The following TNRC6B variants were observed in gnomAD, a reference collection of about 807,000 sequenced individuals.
TNRC6B encodes the protein trinucleotide repeat containing adaptor 6B.
A neutral mutation model predicts 203.6 loss-of-function variants in TNRC6B; 52 were observed. The observed-to-expected ratio is 0.26, with a 90% CI of 0.20 to 0.32. The LOEUF (loss-of-function observed/expected upper bound fraction) is 0.32. TNRC6B is among the 10% of genes least tolerant of loss of function. The probability of loss-of-function intolerance (pLI) is 1.00; values close to 1 mark genes in which losing one functional copy is unlikely to be tolerated. For synonymous variants in TNRC6B, 838 were observed against 845.7 expected, an observed-to-expected ratio of 0.99 and a Z score of 0.16; for missense variants, 1,923 against 2,286.2, an observed-to-expected ratio of 0.84 and a Z score of 3.24.
intron 15 of TNRC6B, among the ~76,000 whole-genome samples, chr22:40,305,935 A>G (rs969326961): frequency 2.0e-5 from 3 of 150,166 alleles, no homozygotes; most frequent in African/African-American, 4.9e-5. Flanking sequence ...CCCTTTTGCT[A>G]TAACTTTAAT....
chr22:40,258,589 T>A (rs577655795), intron 3 of TNRC6B, among the ~76,000 whole-genome samples: 17 of 152,132 alleles, frequency 1.1e-4, no homozygotes, highest in African/African-American at 4.1e-4. Context: ...TTCCTGGAGG[T>A]TTTGTTTTTT....
chr22:40,289,015 T>C (rs555509847), intron 12 of TNRC6B, among the ~76,000 whole-genome samples: 62 of 151,722 alleles, frequency 4.1e-4, no homozygotes, highest in Admixed American at 2.3e-3. Context: ...GGTTTCACCA[T>C]GTTGGCCAAG....
rs1369387773 is a variant in TNRC6B at position 40,330,974 on chromosome 22, C to T, written c.*7733C>T. On this transcript the variant is annotated 3_prime_UTR_variant, in exon 23 of 23. Coordinates refer to ENST00000454349, the MANE Select transcript of TNRC6B (RefSeq NM_001162501.2). Reference sequence around the variant, plus strand: ...ACGTTAGTCCAAGAGCGCAGGTTTACACATCTGCATTCCCTAGTTTTCTCC... The same window carrying T: ...ACGTTAGTCCAAGAGCGCAGGTTTATACATCTGCATTCCCTAGTTTTCTCC... The T allele has an allele frequency of 1.3e-5, 2 of 152,704 alleles. No homozygotes were observed. The highest frequency in any genetic ancestry group is 3.8e-4 in the East Asian group (2 of 5,206). 9.5% of individuals were successfully genotyped at this position (152,704 alleles called of 1,614,324 possible).
chr22:40,143,445 A>G (rs941942341), intron 3 of TNRC6B, among the ~76,000 whole-genome samples: 2 of 152,090 alleles, frequency 1.3e-5, no homozygotes, highest in Admixed American at 6.6e-5. Context: ...AAAAAAATCA[A>G]ATAAGAATAT....
intron 1 of TNRC6B, among the ~76,000 whole-genome samples, chr22:40,066,193 T>TC (rs1351175212): frequency 1.3e-5 from 2 of 152,148 alleles, no homozygotes. Flanking sequence ...GCTAGGCCAG[T>TC]CATAGGCCAC....
Position 40,269,224 on chromosome 22 carries a change from C to T in TNRC6B, c.2807-898C>T, listed in dbSNP as rs915592633. Among the ~76,000 whole-genome samples the T allele has an allele frequency of 7.3e-5, 11 of 149,904 alleles. No homozygotes were observed. The East Asian group carries it at 2.2e-3, about 30-fold the overall frequency. On this transcript the variant is annotated intron_variant, in intron 5 of 22. Transcript: ENST00000454349. The stretch of plus-strand genomic sequence containing the variant: ...TCTTGGCTCACTGCAACCTCCACCT[C>T]CCGGGTTCAAGTGAGCCTCCTTCTC...
In TNRC6B at chr22:40,301,011, T is replaced by G. The variant is rs2071015561; in HGVS notation, c.3936+6T>G. The G allele has an allele frequency of 1.9e-6, 3 of 1,610,758 alleles. No homozygotes were observed. Among genetic ancestry groups the G allele is most frequent in the Non-Finnish European group, 2.5e-6 (3 of 1,178,492 alleles). On this transcript the variant is annotated splice_donor_region_variant and intron_variant, in intron 14 of 22. Transcript: ENST00000454349. ...GCCAACAGCAAGAGCAGCAGGTACG[T>G]GGGTAGGCAGGGTCCCTCCAGTGCT...
At chr22:40,051,844 T>C (rs766261601) in intron 1 of TNRC6B, among the ~76,000 whole-genome samples, 8 of 152,216 alleles carry the variant, frequency 5.3e-5, no homozygotes, top group Non-Finnish European at 1.0e-4. Context: ...AATATTAACA[T>C]TTAAATAGGT....
chr22:40,298,841 C>T (rs1401122078), intron 12 of TNRC6B, among the ~76,000 whole-genome samples: 3 of 152,162 alleles, frequency 2.0e-5, no homozygotes, highest in Admixed American at 6.5e-5. Flanking sequence ...TGGCGGGCGC[C>T]TGTAGTCCCA....
intron 1 of TNRC6B, 60 bp from the exon 2 acceptor site, chr22:40,245,952 TTGC>T: frequency 7.5e-7 from 1 of 1,333,248 alleles, no homozygotes; most frequent in Admixed American, 2.5e-5. Context: ...AGCATTCAAT[TTGC>T]TGCGGAAATG....
At chr22:40,132,350 T>C (rs759566828) in intron 3 of TNRC6B, among the ~76,000 whole-genome samples, 2 of 133,406 alleles carry the variant, frequency 1.5e-5, no homozygotes, top group Non-Finnish European at 3.3e-5. Flanking sequence ...TGGGTGACAG[T>C]GTGAAACTCC....
intron 1 of TNRC6B, among the ~76,000 whole-genome samples, chr22:40,071,044 A>G (rs2067942497): frequency 1.3e-5 from 2 of 152,226 alleles, no homozygotes; most frequent in African/African-American, 4.8e-5. Flanking sequence ...AATTGTGGGT[A>G]AGGGACTGTA....
chr22:40,249,091 T>C (rs2070148703), intron 2 of TNRC6B, among the ~76,000 whole-genome samples: 1 of 152,208 alleles, frequency 6.6e-6, no homozygotes, highest in African/African-American at 2.4e-5. Context: ...TCCGCAAACA[T>C]TTGTGGTGCC....
intron 4 of TNRC6B, among the ~76,000 whole-genome samples, chr22:40,171,731 G>C (rs2069001653): frequency 6.6e-6 from 1 of 152,128 alleles, no homozygotes; most frequent in Admixed American, 6.5e-5. Flanking sequence ...ATTTACTGTG[G>C]ACTGAAGAAC....
intron 1 of TNRC6B, among the ~76,000 whole-genome samples, chr22:40,227,053 G>A (rs2069796827): frequency 6.6e-6 from 1 of 150,500 alleles, no homozygotes; most frequent in African/African-American, 2.4e-5. Flanking sequence ...GAGACTACAG[G>A]CATGTGTCGC....
At chr22:40,320,450 A>G (rs1200145416) in intron 21 of TNRC6B, among the ~76,000 whole-genome samples, 3 of 152,248 alleles carry the variant, frequency 2.0e-5, no homozygotes, top group Non-Finnish European at 2.9e-5. Context: ...ACTGCACTCC[A>G]GCCTGGGCAA....
Position 40,124,466 on chromosome 22 carries a change from A to G in TNRC6B, c.-46-1306A>G, listed in dbSNP as rs2068471154. Among the ~76,000 whole-genome samples the G allele has an allele frequency of 2.0e-5, 3 of 151,498 alleles. No homozygotes were observed. The South Asian group carries it at 6.3e-4, about 32-fold the overall frequency. On this transcript the variant is annotated intron_variant, in intron 2 of 23. Transcript: ENST00000301923. Reference sequence around the variant, plus strand: ...GCCTCTCAAGTAGCTGGGCCCACATACATGTGTCACCACGCCTGGCTAATT... The same window carrying G: ...GCCTCTCAAGTAGCTGGGCCCACATGCATGTGTCACCACGCCTGGCTAATT...
chr22:40,284,532 G>T (rs1398393196), intron 11 of TNRC6B, among the ~76,000 whole-genome samples: 1 of 152,120 alleles, frequency 6.6e-6, no homozygotes, highest in East Asian at 1.9e-4. Context: ...TGGAATTGGT[G>T]GGTCATGGAT....
At position 40,310,857 on chromosome 22, in the gene TNRC6B, G is replaced by C; in HGVS notation, c.4299G>C (p.Pro1433=). ...CTGGTAAAACCCGGGGAGGGTCACC[G>C]TACAACCAGTTTGATATCATCCCTG... is the stretch of plus-strand genomic sequence containing the variant. ...VAPGKTRGGS[P]YNQFDIIPGD... is the part of the protein sequence containing the mutation. Residue 1433 remains proline (P), a synonymous_variant, in exon 17 of 23, where the codon CCG becomes CCC. Coordinates refer to ENST00000454349, the MANE Select transcript of TNRC6B (RefSeq NM_001162501.2). 1.2e-6 allele frequency: 2 copies of C among 1,612,784 alleles called. No homozygotes were observed. Among genetic ancestry groups the C allele is most frequent in the East Asian group, 4.5e-5 (2 of 44,866 alleles).
Sources: gnomAD v4.1 joint callset for allele counts (sites outside exome capture counted in the v4.1 genomes callset) on GRCh38, gnomAD v4.1.1 for gene constraint, MANE v1.5 for transcripts, NCBI Gene and HGNC (gene_info 2026-07-23, HGNC 2026-07-21) for gene names.